GAS2L3: variants seen among roughly 807,000 people sequenced by gnomAD.
GAS2L3 encodes the protein growth arrest specific 2 like 3, also known as GAS2-like protein 3.
A neutral mutation model predicts 37.0 loss-of-function variants in GAS2L3; 28 were observed. That is an observed-to-expected ratio of 0.76 (90% confidence interval 0.56 to 1.04). The LOEUF (loss-of-function observed/expected upper bound fraction) is 1.04. Ranked by LOEUF, GAS2L3 falls within the 50% of genes least tolerant of loss-of-function variation. GAS2L3 has a pLI of 0.00. For missense variants in GAS2L3, 793 were observed against 817.6 expected (o/e 0.97, Z 0.37); for synonymous variants, 290 against 296.6 (o/e 0.98, Z 0.23).
intron 6 of GAS2L3, among the ~76,000 whole-genome samples, chr12:100,615,018 CAG>C (rs1407046021): frequency 6.6e-6 from 1 of 152,158 alleles, no homozygotes; most frequent in Non-Finnish European, 1.5e-5. Flanking sequence ...TTAATTCTCT[CAG>C]ATATATACCT....
Position 100,591,810 on chromosome 12 carries a change from A to T in GAS2L3, c.-77A>T, listed in dbSNP as rs1314251005. ...CAGTATTTTCTGGAGCTGTAATTCAAATCAGATGTGTTCAATACCTTCTAC... is the reference window on the plus strand; with the variant it reads ...CAGTATTTTCTGGAGCTGTAATTCATATCAGATGTGTTCAATACCTTCTAC... On this transcript the variant is annotated 5_prime_UTR_variant, in exon 2 of 10. Coordinates refer to ENST00000547754, the MANE Select transcript of GAS2L3 (RefSeq NM_174942.3). The T allele has an allele frequency of 6.6e-6, 1 of 152,138 alleles. No homozygotes were observed. The highest frequency in any genetic ancestry group is 1.5e-5 in the Non-Finnish European group (1 of 68,004). The allele number at this position is 152,138 out of a possible 1,614,324, so 9.4% of individuals were successfully genotyped here. A position where few individuals can be genotyped will look rare whatever the true frequency, so the allele number is the denominator to read the frequency against.
intron 1 of GAS2L3, among the ~76,000 whole-genome samples, chr12:100,587,834 C>A (rs1272866617): frequency 6.6e-6 from 1 of 152,148 alleles, no homozygotes; most frequent in Non-Finnish European, 1.5e-5. Context: ...GGGTGGATCA[C>A]AGGGTCAGGA....
chr12:100,597,632 A>AT (rs1284962347), intron 3 of GAS2L3, among the ~76,000 whole-genome samples: 1 of 150,662 alleles, frequency 6.6e-6, no homozygotes, highest in Non-Finnish European at 1.5e-5. Context: ...CTTTTATTTT[A>AT]TTTTTTATTT....
In GAS2L3 at chr12:100,617,699, A is replaced by G. The variant is rs201874715; in HGVS notation, c.446-45A>G. 170 of 1,136,194 alleles carry G rather than the reference A, an allele frequency of 1.5e-4. 1 individual carries two copies. The Admixed American group carries it at 2.6e-3, about 18-fold the overall frequency. 70.4% of individuals were successfully genotyped at this position (1,136,194 alleles called of 1,614,324 possible). On this transcript the variant is annotated intron_variant, in intron 6 of 9. Coordinates refer to ENST00000547754, the MANE Select transcript of GAS2L3 (RefSeq NM_174942.3). ...TCTTCCATGCCAGAAATATGTTTCC[A>G]TACTTAATTTTGCTGTATAAAATAA...
intron 8 of GAS2L3, among the ~76,000 whole-genome samples, chr12:100,621,882 G>GAGAGAGAGAGA (rs1490640473): frequency 2.5e-5 from 2 of 81,298 alleles, no homozygotes; most frequent in East Asian, 4.4e-4. Flanking sequence ...GGTGGGGGGG[G>GAGAGAGAGAGA]GAGAGAGAGA....
rs144230806 is a variant in GAS2L3 at position 100,605,298 on chromosome 12, T to C, written c.303+3545T>C. On this transcript the variant is annotated intron_variant, in intron 5 of 9. Coordinates refer to ENST00000547754, the MANE Select transcript of GAS2L3 (RefSeq NM_174942.3). Reference sequence around the variant, plus strand: ...TTGGTCTGTTCAGGTTTTGTTGTCATACAGTTGCTCAGTATGATCCTTTAA... The same window carrying C: ...TTGGTCTGTTCAGGTTTTGTTGTCACACAGTTGCTCAGTATGATCCTTTAA... Among the ~76,000 whole-genome samples, 238 of 152,044 alleles carry C rather than the reference T, an allele frequency of 1.6e-3. 2 individuals are homozygous for C. In the East Asian group the frequency reaches 0.024, roughly 15 times the overall value.
chr12:100,580,289 A>G (rs1300558163), intron 1 of GAS2L3: 1 of 409,038 alleles, frequency 2.4e-6, no homozygotes, highest in East Asian at 3.7e-5. Context: ...TGTGTTTTTT[A>G]TTAGTTTTTT....
intron 5 of GAS2L3, among the ~76,000 whole-genome samples, chr12:100,603,357 T>C (rs754847084): frequency 3.9e-5 from 6 of 152,202 alleles, no homozygotes; most frequent in Admixed American, 1.3e-4. Context: ...AGATATCTCA[T>C]TGTAGTTTTG....
chr12:100,596,009 G>T (rs1195544907), intron 3 of GAS2L3, among the ~76,000 whole-genome samples: 4 of 151,988 alleles, frequency 2.6e-5, no homozygotes, highest in East Asian at 3.9e-4. Context: ...CTAGAGAAGA[G>T]AATTTATCAA....
At chr12:100,584,054 G>A (rs1376875068) in intron 1 of GAS2L3, among the ~76,000 whole-genome samples, 2 of 152,030 alleles carry the variant, frequency 1.3e-5, no homozygotes, top group Non-Finnish European at 1.5e-5. Flanking sequence ...TTTTCCTAGG[G>A]GTTTTCACAT....
chr12:100,596,590 T>TA (rs1263657123), intron 3 of GAS2L3, among the ~76,000 whole-genome samples: 1 of 152,098 alleles, frequency 6.6e-6, no homozygotes, highest in Non-Finnish European at 1.5e-5. Flanking sequence ...ATTAGACAGT[T>TA]ACTTGGTTAT....
chr12:100,579,257 A>G (rs983923635), intron 1 of GAS2L3: 14 of 605,468 alleles, frequency 2.3e-5, no homozygotes, highest in Middle Eastern at 2.8e-4. Context: ...CAAACTTCTA[A>G]CTGTGTCTCT....
intron 4 of GAS2L3, among the ~76,000 whole-genome samples, chr12:100,601,436 A>G (rs1031118031): frequency 1.1e-4 from 17 of 152,116 alleles, no homozygotes; most frequent in Non-Finnish European, 2.1e-4. Flanking sequence ...CTGTACTTCT[A>G]CATTACAGAT....
At chr12:100,578,933 G>C (rs61732200) in intron 1 of GAS2L3, 1 of 914,782 alleles carries the variant, frequency 1.1e-6, no homozygotes, top group Non-Finnish European at 1.8e-6. Flanking sequence ...GATTGGAAGA[G>C]GGGATAAGGT....
At chr12:100,613,949 G>A (rs1385064047) in intron 6 of GAS2L3, among the ~76,000 whole-genome samples, 2 of 152,028 alleles carry the variant, frequency 1.3e-5, no homozygotes, top group Non-Finnish European at 2.9e-5. Flanking sequence ...TGCACATATT[G>A]CACATGATTA....
At chr12:100,608,321 T>C (rs1411998731) in intron 5 of GAS2L3, among the ~76,000 whole-genome samples, 1 of 152,094 alleles carries the variant, frequency 6.6e-6, no homozygotes, top group African/African-American at 2.4e-5. Flanking sequence ...GAGACTGCAC[T>C]GTTTCACACC....
chr12:100,602,104 A>G (rs947953806), intron 5 of GAS2L3, among the ~76,000 whole-genome samples: 1 of 152,160 alleles, frequency 6.6e-6, no homozygotes, highest in Admixed American at 6.6e-5. Flanking sequence ...CTTCTTGAGA[A>G]CATTAACATA....
rs1955680793 is a variant in GAS2L3, at chr12:100,579,470, A to G, written c.-152+5685A>G. 9.0e-6 allele frequency: 7 copies of G among 780,762 alleles called. No individual in the cohort carries two copies. The East Asian group carries it at 1.7e-4, about 19-fold the overall frequency. 48.4% of individuals were successfully genotyped at this position (780,762 alleles called of 1,614,324 possible). A position where few individuals can be genotyped will look rare whatever the true frequency, so the allele number is the denominator to read the frequency against. ...TTACAGAAAGGGAACAAATTTGGTT[A>G]GTGGTATTATACCCAAACTCTTGTC... On this transcript the variant is annotated intron_variant, in intron 1 of 9. Transcript: ENST00000547754.
At chr12:100,575,730 G>A (rs980153449) in intron 1 of GAS2L3, among the ~76,000 whole-genome samples, 1 of 151,966 alleles carries the variant, frequency 6.6e-6, no homozygotes, top group South Asian at 2.1e-4. Flanking sequence ...CGCCCGACTC[G>A]GCCTCCCAAA....
Sources: gnomAD v4.1 joint callset for allele counts (sites outside exome capture counted in the v4.1 genomes callset) on GRCh38, gnomAD v4.1.1 for gene constraint, MANE v1.5 for transcripts, NCBI Gene and HGNC (gene_info 2026-07-23, HGNC 2026-07-21) for gene names.